Variants in STPG2 observed in about 807,000 individuals in gnomAD.
STPG2 encodes the protein sperm-tail PG-rich repeat-containing protein 2.
STPG2 carries 56 observed loss-of-function variants against 54.2 expected under a neutral mutation model. The ratio of observed to expected loss-of-function variants is 1.03; its 90% CI spans 0.83 to 1.29. The LOEUF (loss-of-function observed/expected upper bound fraction) is 1.29, where lower values mean the gene tolerates loss of function less well. Among genes scored for constraint, STPG2 ranks in the 50% most tolerant of loss-of-function variants. STPG2 has a pLI of 0.00. For synonymous variants in STPG2, 200 were observed against 181.8 expected (o/e 1.10, Z -0.81); for missense variants, 596 against 544.9 (o/e 1.09, Z -0.93).
chr4:97,754,226 G>A (rs925191465), intron 9 of STPG2, among the ~76,000 whole-genome samples: 1 of 152,092 alleles, frequency 6.6e-6, no homozygotes, highest in African/African-American at 2.4e-5. Context: ...CTAAAACTGA[G>A]TGGTTTATCT....
At chr4:97,922,803 C>G (rs576619643) in intron 8 of STPG2, among the ~76,000 whole-genome samples, 1 of 152,240 alleles carries the variant, frequency 6.6e-6, no homozygotes, top group South Asian at 2.1e-4. Context: ...CCCATAATTG[C>G]AATTTTCCAA....
chr4:97,982,377 T>TACACATAC (rs1734710274), intron 5 of STPG2, among the ~76,000 whole-genome samples: 1 of 143,538 alleles, frequency 7.0e-6, no homozygotes, highest in African/African-American at 2.6e-5. Flanking sequence ...TCTCTTACTC[T>TACACATAC]ACACACACAC....
At chr4:97,987,339 C>T (rs942036200) in intron 5 of STPG2, among the ~76,000 whole-genome samples, 1 of 152,122 alleles carries the variant, frequency 6.6e-6, no homozygotes, top group Non-Finnish European at 1.5e-5. Context: ...TAAAAGTATA[C>T]AGCTAGCTTG....
At chr4:97,701,859 T>G (rs1005063117) in intron 10 of STPG2, among the ~76,000 whole-genome samples, 2 of 152,186 alleles carry the variant, frequency 1.3e-5, no homozygotes, top group African/African-American at 4.8e-5. Flanking sequence ...GACAGTTGAG[T>G]GCCACCACTT....
chr4:97,523,702 A>C (rs1459722019), intron 4 of STPG2, among the ~76,000 whole-genome samples: 1 of 151,974 alleles, frequency 6.6e-6, no homozygotes, highest in Non-Finnish European at 1.5e-5. Context: ...GAAGGAAAAA[A>C]CACTGGGCAG....
At chr4:98,026,576 A>G (rs1736428354) in intron 5 of STPG2, among the ~76,000 whole-genome samples, 2 of 152,112 alleles carry the variant, frequency 1.3e-5, no homozygotes. Context: ...AGGCCCATTG[A>G]GTTTCTCAGG....
At position 98,036,488 on chromosome 4, in the gene STPG2, A is replaced by C. The variant is rs576479241; in HGVS notation, c.613-55170T>G. Among the ~76,000 whole-genome samples the C allele has an allele frequency of 2.0e-5, 3 of 152,124 alleles. No individual in the cohort carries two copies. The South Asian group carries it at 6.2e-4, about 32-fold the overall frequency. ...ATACTATGCAGCAATAAAAAAGAAC[A>C]AGATCATGTCCTTTGCAGGGACATG... On this transcript the variant is annotated intron_variant, in intron 5 of 10. Transcript: ENST00000295268.
chr4:97,879,282 C>T (rs1011513051), intron 8 of STPG2, among the ~76,000 whole-genome samples: 8 of 152,332 alleles, frequency 5.3e-5, no homozygotes, highest in Admixed American at 2.0e-4. Context: ...TCCACATTTT[C>T]AGGTATCTTT....
At chr4:98,063,643 T>C (rs1737733423) in intron 5 of STPG2, among the ~76,000 whole-genome samples, 1 of 150,312 alleles carries the variant, frequency 6.7e-6, no homozygotes, top group Non-Finnish European at 1.5e-5. Flanking sequence ...AGAATAAATC[T>C]CTAAAATTAA....
intron 3 of STPG2, among the ~76,000 whole-genome samples, chr4:98,125,535 C>T (rs1343356655): frequency 1.5e-5 from 2 of 130,788 alleles, no homozygotes; most frequent in East Asian, 2.3e-4. Context: ...TGACAGCATG[C>T]TCTTTCCTCT....
intron 9 of STPG2, among the ~76,000 whole-genome samples, chr4:97,820,139 A>G (rs1578592723): frequency 6.6e-6 from 1 of 152,078 alleles, no homozygotes; most frequent in African/African-American, 2.4e-5. Context: ...ATCTGTTATG[A>G]TGAACTGTGA....
chr4:97,561,660 G>A (rs1732249441), intron 10 of STPG2, among the ~76,000 whole-genome samples: 3 of 151,056 alleles, frequency 2.0e-5, no homozygotes, highest in South Asian at 4.2e-4. Context: ...TCAGCATATG[G>A]CTAGCCAGTT....
At chr4:97,526,710 T>C (rs924685111) in intron 4 of STPG2, among the ~76,000 whole-genome samples, 2 of 152,126 alleles carry the variant, frequency 1.3e-5, no homozygotes, top group African/African-American at 4.8e-5. Context: ...CTGGCTTTTG[T>C]TGCCATTGCT....
chr4:97,707,287 G>C (rs1723976193), intron 10 of STPG2, among the ~76,000 whole-genome samples: 1 of 152,110 alleles, frequency 6.6e-6, no homozygotes, highest in Non-Finnish European at 1.5e-5. Flanking sequence ...ACTTTGGGAG[G>C]CAAAGGCAGT....
At chr4:97,715,874 C>A (rs1560499752) in intron 9 of STPG2, among the ~76,000 whole-genome samples, 1 of 152,070 alleles carries the variant, frequency 6.6e-6, no homozygotes, top group Non-Finnish European at 1.5e-5. Flanking sequence ...AGCTTCTGCA[C>A]AGCAAAAGTA....
chr4:98,043,170 A>G (rs1468869036), intron 5 of STPG2, among the ~76,000 whole-genome samples: 1 of 151,906 alleles, frequency 6.6e-6, no homozygotes, highest in Non-Finnish European at 1.5e-5. Flanking sequence ...TTCATTTACA[A>G]TTTGCATGGA....
intron 4 of STPG2, among the ~76,000 whole-genome samples, chr4:97,504,458 C>T (rs1053898722): frequency 1.3e-5 from 2 of 151,640 alleles, no homozygotes; most frequent in Admixed American, 1.3e-4. Flanking sequence ...AAAGGAACAG[C>T]ATTGGAAAAT....
At chr4:98,138,405 A>G (rs1043557648) in intron 1 of STPG2, among the ~76,000 whole-genome samples, 1 of 152,076 alleles carries the variant, frequency 6.6e-6, no homozygotes, top group African/African-American at 2.4e-5. Flanking sequence ...TCAGTTTGGG[A>G]TATATTGAGT....
In STPG2 at chr4:97,449,524, A is replaced by G. The variant is rs775937012; in HGVS notation, c.463-261691T>C. On this transcript the variant is annotated intron_variant, in intron 4 of 4. Transcript: ENST00000522676. ...GAGGAATGTCCAACAAATTTTTTGC[A>G]AAAAGGAGCTGATTAAAGAACGAAA... Among the ~76,000 whole-genome samples the G allele has an allele frequency of 9.9e-5, 15 of 152,264 alleles. 1 individual carries two copies. In the Middle Eastern group the frequency reaches 0.027, roughly 276 times the overall value.
Sources: gnomAD v4.1 joint callset for allele counts (sites outside exome capture counted in the v4.1 genomes callset) on GRCh38, gnomAD v4.1.1 for gene constraint, MANE v1.5 for transcripts, NCBI Gene and HGNC (gene_info 2026-07-23, HGNC 2026-07-21) for gene names.